GPHN: variants seen among roughly 807,000 people sequenced by gnomAD.
GPHN encodes the protein gephyrin.
GPHN carries 17 observed loss-of-function variants against 95.5 expected under a neutral mutation model. The ratio of observed to expected loss-of-function variants is 0.18; its 90% CI spans 0.12 to 0.27. GPHN has a LOEUF of 0.27. Among genes scored for constraint, GPHN ranks in the 10% least tolerant of loss-of-function variants. GPHN has a pLI of 1.00. For missense variants in GPHN, 660 were observed against 978.1 expected, an observed-to-expected ratio of 0.67 and a Z score of 4.34; for synonymous variants, 320 against 322.5, an observed-to-expected ratio of 0.99 and a Z score of 0.08.
chr14:67,644,524 G>A, the GPHN span, among the ~76,000 whole-genome samples: 2 of 152,166 alleles, frequency 1.3e-5, no homozygotes, highest in South Asian at 2.1e-4. Flanking sequence ...GACCAAGAAG[G>A]ATGGTTGCAG....
chr14:67,422,366 C>G, the GPHN span, among the ~76,000 whole-genome samples: 1 of 152,162 alleles, frequency 6.6e-6, no homozygotes, highest in Non-Finnish European at 1.5e-5. Flanking sequence ...GGTGTCTTCC[C>G]CCGTGTGGTA....
At chr14:66,653,687 A>C (rs1401103110) in intron 1 of GPHN, among the ~76,000 whole-genome samples, 2 of 152,210 alleles carry the variant, frequency 1.3e-5, no homozygotes, top group East Asian at 1.9e-4. Context: ...ATCACACCAC[A>C]TGTAATCTTT....
chr14:67,647,174 C>T, the GPHN span: 2 of 564,498 alleles, frequency 3.5e-6, no homozygotes, highest in Admixed American at 3.2e-5. Flanking sequence ...ATTTGAAACA[C>T]AGGTCATATT....
chr14:67,653,204 C>A, the GPHN span, among the ~76,000 whole-genome samples: 1 of 152,184 alleles, frequency 6.6e-6, no homozygotes, highest in Non-Finnish European at 1.5e-5. Flanking sequence ...TTTCACTGCT[C>A]CAAGTCAAAG....
chr14:66,852,970 T>C (rs534834034), intron 4 of GPHN, among the ~76,000 whole-genome samples: 1 of 152,344 alleles, frequency 6.6e-6, no homozygotes, highest in Non-Finnish European at 1.5e-5. Context: ...GGGTAATTTA[T>C]TCATTGTATA....
At chr14:66,735,845 A>G (rs535452003) in intron 2 of GPHN, among the ~76,000 whole-genome samples, 21 of 152,280 alleles carry the variant, frequency 1.4e-4, no homozygotes, top group African/African-American at 3.1e-4. Context: ...AGAAAGAGAA[A>G]TAATATTTAC....
the GPHN span, chr14:67,650,685 C>T: frequency 1.2e-5 from 20 of 1,607,444 alleles, no homozygotes; most frequent in East Asian, 3.6e-4. Flanking sequence ...GCAAGGGAAC[C>T]TGAGGTTTTG....
At chr14:67,321,371 T>C in the GPHN span, 18 of 980,228 alleles carry the variant, frequency 1.8e-5, no homozygotes, top group East Asian at 3.9e-4. Context: ...TAAGTTCTCA[T>C]ACGGTTTTTC....
chr14:66,960,963 G>A lies in GPHN; in HGVS notation c.829-4228G>A, dbSNP rs546921969. ...CCAGATGACAGTGGCTAATACATTTGCCTTTAAATATTTGAACAAACATTA... is the reference window on the plus strand; with the variant it reads ...CCAGATGACAGTGGCTAATACATTTACCTTTAAATATTTGAACAAACATTA... On this transcript the variant is annotated intron_variant, in intron 8 of 22. Transcript: ENST00000478722. 2.0e-5 allele frequency among the ~76,000 whole-genome samples: 3 copies of A among 152,068 alleles called. No individual in the cohort carries two copies. The South Asian group carries it at 6.2e-4, about 32-fold the overall frequency.
the GPHN span, among the ~76,000 whole-genome samples, chr14:67,428,801 C>T: frequency 2.0e-5 from 3 of 152,204 alleles, no homozygotes; most frequent in South Asian, 6.2e-4. Flanking sequence ...CTGCCGGCTG[C>T]TCCTGAAGCT....
rs148575668 is a variant in GPHN at position 67,043,771 on chromosome 14, A to G, written c.1007-14878A>G. ...AGTTGGGGGGATTCCCTCTTTTTCT[A>G]TTGTTTAGAATAGTTTCAGAAGGAA... On this transcript the variant is annotated intron_variant, in intron 10 of 22. Coordinates refer to ENST00000478722, the MANE Select transcript of GPHN (RefSeq NM_020806.5). Among the ~76,000 whole-genome samples, 1,413 of 151,964 alleles carry G rather than the reference A, an allele frequency of 9.3e-3. 10 individuals carry two copies. The highest frequency in any genetic ancestry group is 0.014 in the Non-Finnish European group (925 of 67,958).
the GPHN span, among the ~76,000 whole-genome samples, chr14:67,389,396 A>T: frequency 6.6e-6 from 1 of 152,134 alleles, no homozygotes; most frequent in African/African-American, 2.4e-5. Context: ...CAGCCTAAAC[A>T]GGAGGAAGAG....
the GPHN span, chr14:67,571,374 C>T: frequency 5.1e-6 from 1 of 197,836 alleles, no homozygotes; most frequent in Non-Finnish European, 1.1e-5. Context: ...AAATGTTTGC[C>T]AATGGAGATG....
chr14:67,345,429 T>G, the GPHN span, among the ~76,000 whole-genome samples: 1 of 151,470 alleles, frequency 6.6e-6, no homozygotes, highest in Admixed American at 6.6e-5. Flanking sequence ...TGGTGGCACA[T>G]GTCTGTAATC....
chr14:67,056,001 G>T (rs1212883566), intron 10 of GPHN, among the ~76,000 whole-genome samples: 1 of 152,202 alleles, frequency 6.6e-6, no homozygotes, highest in Non-Finnish European at 1.5e-5. Context: ...CCTTCACCGT[G>T]AGTGTTACAG....
chr14:66,722,734 T>G (rs2070875669), intron 2 of GPHN, among the ~76,000 whole-genome samples: 1 of 152,178 alleles, frequency 6.6e-6, no homozygotes, highest in African/African-American at 2.4e-5. Flanking sequence ...TGAGCCACCA[T>G]GCCTGGCCAC....
the GPHN span, among the ~76,000 whole-genome samples, chr14:67,590,433 A>G: frequency 1.3e-5 from 2 of 152,132 alleles, no homozygotes; most frequent in Admixed American, 1.3e-4. Context: ...ATCTCGGCTC[A>G]CTGAAACCTC....
chr14:66,693,197 G>A (rs1306213589), intron 2 of GPHN, among the ~76,000 whole-genome samples: 1 of 152,002 alleles, frequency 6.6e-6, no homozygotes, highest in Non-Finnish European at 1.5e-5. Context: ...TCAAATAACT[G>A]TTTCTACGTT....
At chr14:67,327,191 T>G in the GPHN span, among the ~76,000 whole-genome samples, 1 of 152,134 alleles carries the variant, frequency 6.6e-6, no homozygotes, top group East Asian at 1.9e-4. Flanking sequence ...AAAAAATTTT[T>G]TTTGAGCTAG....
Sources: allele counts gnomAD v4.1 joint callset (sites outside exome capture counted in the v4.1 genomes callset), GRCh38; gene constraint gnomAD v4.1.1; transcripts MANE v1.5; gene names NCBI Gene and HGNC (gene_info 2026-07-23, HGNC 2026-07-21).